Variants in ZBTB49 observed in about 807,000 individuals in gnomAD.
ZBTB49 encodes zinc finger and BTB domain containing 49, also known as zinc finger and BTB domain-containing protein 49.
Under a neutral mutation model 57.5 loss-of-function variants are expected in ZBTB49, and 43 were observed. That is an observed-to-expected ratio of 0.75 (90% confidence interval 0.59 to 0.97). The LOEUF is 0.97. ZBTB49 is among the 50% of genes least tolerant of loss of function. The pLI, the probability that ZBTB49 is intolerant of heterozygous loss-of-function variation, is 0.00. For synonymous variants in ZBTB49, 369 were observed against 362.1 expected, an observed-to-expected ratio of 1.02 and a Z score of -0.22; for missense variants, 938 against 947.7, an observed-to-expected ratio of 0.99 and a Z score of 0.13.
chr4:4,314,670 C>A (rs1045511720), intron 5 of ZBTB49, among the ~76,000 whole-genome samples: 1 of 152,240 alleles, frequency 6.6e-6, no homozygotes, highest in Non-Finnish European at 1.5e-5. Flanking sequence ...CCGTGCCCAG[C>A]CAAGGCGTGT....
intron 5 of ZBTB49, among the ~76,000 whole-genome samples, chr4:4,314,480 T>A (rs1371050436): frequency 6.6e-6 from 1 of 152,254 alleles, no homozygotes; most frequent in African/African-American, 2.4e-5. Flanking sequence ...CAAGCGATTC[T>A]CCTGCCTCTG....
intron 1 of ZBTB49, among the ~76,000 whole-genome samples, chr4:4,292,458 A>G (rs897569051): frequency 1.3e-5 from 2 of 152,072 alleles, no homozygotes; most frequent in Middle Eastern, 3.2e-3. Context: ...TGAGACACAG[A>G]GCCTGTGAAG....
chr4:4,296,921 G>A (rs1417921513), intron 1 of ZBTB49, among the ~76,000 whole-genome samples: 1 of 152,164 alleles, frequency 6.6e-6, no homozygotes, highest in Non-Finnish European at 1.5e-5. Flanking sequence ...AGGGGAGAGG[G>A]AAGGTTCATC....
At chr4:4,312,444 A>G (rs1426851832) in intron 4 of ZBTB49, among the ~76,000 whole-genome samples, 1 of 152,212 alleles carries the variant, frequency 6.6e-6, no homozygotes, top group African/African-American at 2.4e-5. Flanking sequence ...AGTTTCAGAA[A>G]TTAGGAACAC....
chr4:4,321,111 C>T lies in ZBTB49; in HGVS notation c.2093C>T (p.Pro698Leu), dbSNP rs1479560324. ...TATGCTTACTCGGATGTGGACACCC[C>T]AGCCGGTGGCGAACCACTGCAGGCC... Reference protein sequence around the residue: ...QAYAYSDVDTPAGGEPLQADG... With the variant: ...QAYAYSDVDTLAGGEPLQADG... Residue 698 changes from proline (P) to leucine (L), a missense_variant, in exon 8 of 8, where the codon CCA becomes CTA. Pro to Leu is a moderately conservative substitution (Grantham distance 98, BLOSUM62 -3). Around this residue, in one of 3 missense-constraint regions of ZBTB49, gnomAD observed 835 missense variants for 819.1 expected, o/e 1.02. Transcript: ENST00000337872. 1.9e-6 allele frequency: 3 copies of T among 1,614,076 alleles called. No individual in the cohort carries two copies. The highest frequency in any genetic ancestry group is 2.2e-5 in the East Asian group (1 of 44,894).
intron 1 of ZBTB49, among the ~76,000 whole-genome samples, chr4:4,294,184 C>T (rs1394025918): frequency 1.3e-5 from 2 of 152,096 alleles, no homozygotes; most frequent in Non-Finnish European, 2.9e-5. Context: ...TGACAGAACA[C>T]ATAAGAAATG....
At chr4:4,304,178 A>G (rs990594063) in intron 3 of ZBTB49, among the ~76,000 whole-genome samples, 1 of 151,922 alleles carries the variant, frequency 6.6e-6, no homozygotes, top group Non-Finnish European at 1.5e-5. Flanking sequence ...AAAAAACTTT[A>G]GATGATTCTG....
chr4:4,307,365 G>A (rs997554739), intron 4 of ZBTB49, among the ~76,000 whole-genome samples: 2 of 152,166 alleles, frequency 1.3e-5, no homozygotes, highest in Non-Finnish European at 2.9e-5. Context: ...CCTGGCCTGG[G>A]GTTCAGAGCT....
chr4:4,291,842 G>C (rs1172542621), intron 1 of ZBTB49, among the ~76,000 whole-genome samples: 18 of 152,194 alleles, frequency 1.2e-4, no homozygotes, highest in Non-Finnish European at 2.1e-4. Flanking sequence ...TAATAACTTT[G>C]GTACAGGGCT....
In ZBTB49 at chr4:4,302,690, C is replaced by T. The variant is rs1720547732; in HGVS notation, c.854C>T (p.Ala285Val). The change falls in exon 3 of 8, where the codon GCC becomes GTC. Residue 285 changes from alanine (A) to valine (V), a missense_variant. Coordinates refer to ENST00000337872, the MANE Select transcript of ZBTB49 (RefSeq NM_145291.4). ...NFLAQPVNDS[A>V]PHPESDATCQ... ...CTGGCCCAGCCTGTGAATGACTCTG[C>T]CCCACACCCTGAGTCAGACGCCACA... 10 of 1,612,128 alleles carry T rather than the reference C, an allele frequency of 6.2e-6. No individual in the cohort carries two copies. The highest frequency in any genetic ancestry group is 8.5e-6 in the Non-Finnish European group (10 of 1,178,956).
intron 1 of ZBTB49, among the ~76,000 whole-genome samples, chr4:4,295,192 C>T (rs2920176): frequency 0.72 from 109,384 of 152,058 alleles, 41,500 homozygotes; most frequent in Non-Finnish European, 0.83. Context: ...AGAGGTTTAA[C>T]TGACTCACAG....
intron 4 of ZBTB49, 57 bp downstream of exon 4, chr4:4,306,241 T>A (rs946911482): frequency 4.1e-6 from 6 of 1,456,622 alleles, no homozygotes; most frequent in Non-Finnish European, 5.8e-6. Context: ...AGTGTTTTTT[T>A]ATTGGAAATA....
intron 7 of ZBTB49, among the ~76,000 whole-genome samples, chr4:4,317,883 C>G (rs763610068): frequency 6.6e-6 from 1 of 152,156 alleles, no homozygotes; most frequent in Non-Finnish European, 1.5e-5. Context: ...GTTCAGCTGG[C>G]GTCTTTCCTG....
chr4:4,294,513 C>T lies in ZBTB49; in HGVS notation c.-20+4161C>T, dbSNP rs888533406. 8.5e-5 allele frequency among the ~76,000 whole-genome samples: 13 copies of T among 152,210 alleles called. 1 individual carries two copies. The Middle Eastern group carries it at 0.014, about 159-fold the overall frequency. On this transcript the variant is annotated intron_variant, in intron 1 of 7. Transcript: ENST00000337872. The stretch of plus-strand genomic sequence containing the variant: ...CTGGTATTATAGGCATGCGTCACCA[C>T]GCCTGGCTAATTTTTGTATTTTTAG...
At chr4:4,305,314 A>T (rs1203841818) in intron 3 of ZBTB49, among the ~76,000 whole-genome samples, 1 of 152,182 alleles carries the variant, frequency 6.6e-6, no homozygotes, top group East Asian at 1.9e-4. Context: ...AAGGGAAAAC[A>T]TTATTGTTAC....
chr4:4,320,505 T>A, intron 7 of ZBTB49, 135 bp from the exon 8 acceptor site: 1 of 981,986 alleles, frequency 1.0e-6, no homozygotes, highest in East Asian at 2.6e-5. Flanking sequence ...CCAGGCGTGG[T>A]GTCATGCGCC....
chr4:4,313,647 AGT>A (rs1397497512), intron 5 of ZBTB49, among the ~76,000 whole-genome samples: 1 of 152,146 alleles, frequency 6.6e-6, no homozygotes, highest in Non-Finnish European at 1.5e-5. Flanking sequence ...CGTGGAATAA[AGT>A]GTGTGGCAGC....
At chr4:4,312,058 C>A (rs1257613012) in intron 4 of ZBTB49, among the ~76,000 whole-genome samples, 2 of 151,978 alleles carry the variant, frequency 1.3e-5, no homozygotes, top group African/African-American at 4.8e-5. Flanking sequence ...AAAAAAAGCC[C>A]CGTGTGTTAG....
At chr4:4,306,660 G>A (rs759608402) in intron 4 of ZBTB49, among the ~76,000 whole-genome samples, 8 of 152,232 alleles carry the variant, frequency 5.3e-5, no homozygotes, top group Non-Finnish European at 1.2e-4. Flanking sequence ...TGGACACATA[G>A]GCATTCAGTC....
Sources: gnomAD v4.1 joint callset for allele counts (sites outside exome capture counted in the v4.1 genomes callset) on GRCh38, gnomAD v4.1.1 for gene constraint, gnomAD v4.1.1 regional missense constraint, MANE v1.5 for transcripts, NCBI Gene and HGNC (gene_info 2026-07-23, HGNC 2026-07-21) for gene names.